Variants in JAZF1 observed in about 807,000 individuals in gnomAD.
JAZF1 encodes juxtaposed with another zinc finger protein 1.
JAZF1 carries 8 observed loss-of-function variants against 26.4 expected under a neutral mutation model. The ratio of observed to expected loss-of-function variants is 0.30; its 90% CI spans 0.18 to 0.55. The LOEUF (loss-of-function observed/expected upper bound fraction) is 0.55. JAZF1 is among the 20% of genes least tolerant of loss of function. The pLI is 0.94. For synonymous variants in JAZF1, 126 were observed against 122.3 expected, an observed-to-expected ratio of 1.03 and a Z score of -0.20; for missense variants, 199 against 322.0, an observed-to-expected ratio of 0.62 and a Z score of 2.92.
At chr7:27,928,528 T>C (rs1018949407) in intron 2 of JAZF1, among the ~76,000 whole-genome samples, 5 of 152,248 alleles carry the variant, frequency 3.3e-5, no homozygotes, top group Admixed American at 6.5e-5. Context: ...TGATATAGTA[T>C]GCTCTAAAGG....
chr7:28,001,226 C>T (rs529141305), intron 1 of JAZF1, among the ~76,000 whole-genome samples: 194 of 151,924 alleles, frequency 1.3e-3, no homozygotes, highest in African/African-American at 4.6e-3. Context: ...TGGTGGCGTG[C>T]CTGTAATCCC....
intron 1 of JAZF1, among the ~76,000 whole-genome samples, chr7:28,112,883 T>C (rs1172359785): frequency 6.6e-6 from 1 of 152,172 alleles, no homozygotes; most frequent in Non-Finnish European, 1.5e-5. Flanking sequence ...AAACTTCCTC[T>C]TAAAAATGAT....
intron 3 of JAZF1, among the ~76,000 whole-genome samples, chr7:27,890,995 G>T (rs1229191973): frequency 2.6e-5 from 4 of 151,956 alleles, no homozygotes; most frequent in Admixed American, 6.6e-5. Flanking sequence ...TCACCATGTT[G>T]GCCAGGCTCA....
chr7:28,060,214 G>A (rs10238165), intron 1 of JAZF1, among the ~76,000 whole-genome samples: 8,693 of 151,988 alleles, frequency 0.057, 839 homozygotes, highest in African/African-American at 0.2. Context: ...CAATACTCTT[G>A]CTCCTTAGAC....
chr7:28,091,812 T>C (rs1285542475), intron 1 of JAZF1, among the ~76,000 whole-genome samples: 1 of 151,830 alleles, frequency 6.6e-6, no homozygotes, highest in African/African-American at 2.4e-5. Context: ...CTGGAAAATA[T>C]TCTCTTGTTT....
At chr7:28,130,115 C>T (rs144022070) in intron 1 of JAZF1, among the ~76,000 whole-genome samples, 4 of 152,188 alleles carry the variant, frequency 2.6e-5, no homozygotes, top group Non-Finnish European at 5.9e-5. Context: ...TGTATTGAGG[C>T]AGAGTTTATT....
intron 1 of JAZF1, among the ~76,000 whole-genome samples, chr7:28,148,229 CCCAGT>C: frequency 6.6e-6 from 1 of 152,240 alleles, no homozygotes; most frequent in Non-Finnish European, 1.5e-5. Flanking sequence ...CACCACTACA[CCCAGT>C]TAATTTTTGT....
At chr7:27,848,342 A>G (rs1783067797) in intron 3 of JAZF1, among the ~76,000 whole-genome samples, 1 of 151,844 alleles carries the variant, frequency 6.6e-6, no homozygotes, top group African/African-American at 2.4e-5. Flanking sequence ...TTTCTTTTTC[A>G]GCTAGGTTGT....
chr7:27,965,201 T>C (rs547558628), intron 2 of JAZF1, among the ~76,000 whole-genome samples: 1 of 152,300 alleles, frequency 6.6e-6, no homozygotes, highest in African/African-American at 2.4e-5. Context: ...CTTTTTCCAG[T>C]CATTGTACAC....
chr7:28,038,848 C>T (rs1562566657), intron 1 of JAZF1, among the ~76,000 whole-genome samples: 1 of 152,198 alleles, frequency 6.6e-6, no homozygotes, highest in East Asian at 1.9e-4. Flanking sequence ...ACATATTCAG[C>T]TTCACTGTCC....
chr7:27,920,843 G>A (rs569753690), intron 2 of JAZF1, among the ~76,000 whole-genome samples: 2 of 152,214 alleles, frequency 1.3e-5, no homozygotes, highest in East Asian at 3.8e-4. Context: ...GTGGAAAAAA[G>A]CATAAACGAC....
intron 1 of JAZF1, among the ~76,000 whole-genome samples, chr7:28,161,533 T>G (rs1783289613): frequency 2.0e-5 from 3 of 152,170 alleles, no homozygotes. Context: ...GAACATGTGC[T>G]AATGGGGGCT....
At position 27,998,172 on chromosome 7, in the gene JAZF1, G is replaced by C. The variant is rs554872558; in HGVS notation, c.116-6191C>G. ...GTTTACTTACACAAACCTGGTACTG[G>C]CAGGGCTAGGACCAGAAGCCCTGCG... On this transcript the variant is annotated intron_variant, in intron 1 of 4. Coordinates refer to ENST00000283928, the MANE Select transcript of JAZF1 (RefSeq NM_175061.4). 2.0e-5 allele frequency among the ~76,000 whole-genome samples: 3 copies of C among 152,188 alleles called. No individual in the cohort carries two copies. The South Asian group carries it at 6.2e-4, about 32-fold the overall frequency.
chr7:28,042,822 T>C (rs1206904910), intron 1 of JAZF1, among the ~76,000 whole-genome samples: 3 of 152,196 alleles, frequency 2.0e-5, no homozygotes. Context: ...GGCTATAGCA[T>C]ATAGCCTAGG....
chr7:28,145,845 T>C (rs1052077204), intron 1 of JAZF1, among the ~76,000 whole-genome samples: 4 of 152,216 alleles, frequency 2.6e-5, no homozygotes, highest in African/African-American at 9.6e-5. Context: ...AGTCTTGCCT[T>C]TTCTAGAATT....
At chr7:28,108,887 G>A (rs772437352) in intron 1 of JAZF1, among the ~76,000 whole-genome samples, 26 of 152,176 alleles carry the variant, frequency 1.7e-4, no homozygotes, top group Non-Finnish European at 3.2e-4. Flanking sequence ...AAAGGAAACT[G>A]CCATTTGCAA....
At chr7:27,959,448 C>T (rs145075624) in intron 2 of JAZF1, among the ~76,000 whole-genome samples, 1 of 152,262 alleles carries the variant, frequency 6.6e-6, no homozygotes, top group East Asian at 1.9e-4. Flanking sequence ...ATACTTTGGC[C>T]CTGTGACATA....
intron 1 of JAZF1, among the ~76,000 whole-genome samples, chr7:28,081,444 G>A (rs1784135515): frequency 6.6e-6 from 1 of 152,160 alleles, no homozygotes; most frequent in African/African-American, 2.4e-5. Context: ...TCTAAGGTTT[G>A]GTCATAACCA....
chr7:27,840,250 T>TCACC lies in JAZF1; in HGVS notation c.555+444_555+447dup, dbSNP rs1275363102. Among the ~76,000 whole-genome samples, 7 of 152,156 alleles carry TCACC rather than the reference T, an allele frequency of 4.6e-5. No individual in the cohort carries two copies. The highest frequency in any genetic ancestry group is 1.0e-4 in the Non-Finnish European group (7 of 68,030). On this transcript the variant is annotated intron_variant, in intron 4 of 4. Coordinates refer to ENST00000283928, the MANE Select transcript of JAZF1 (RefSeq NM_175061.4). The surrounding 1 kb of genome is among the most constrained non-coding windows in gnomAD (Gnocchi z 5.1). The stretch of plus-strand genomic sequence containing the variant: ...GCTGGAAGCTAAATACCCTCCACAC[T>TCACC]CACCAAATGGCTCTGGGAGCCATCT...
Sources: gnomAD v4.1 joint callset for allele counts (sites outside exome capture counted in the v4.1 genomes callset) on GRCh38, gnomAD v4.1.1 for gene constraint, Gnocchi (gnomAD v3.1) non-coding constraint, MANE v1.5 for transcripts, NCBI Gene and HGNC (gene_info 2026-07-23, HGNC 2026-07-21) for gene names.